CAMTA1: variants seen among roughly 807,000 people sequenced by gnomAD.
CAMTA1 encodes calmodulin binding transcription activator 1.
In CAMTA1, 27 loss-of-function variants were observed where a neutral mutation model predicts 170.9. That is an observed-to-expected ratio of 0.16 (90% CI 0.12 to 0.22). CAMTA1 has a LOEUF of 0.22. CAMTA1 is among the 10% of genes least tolerant of loss of function. The probability of loss-of-function intolerance (pLI) is 1.00; values close to 1 mark genes in which losing one functional copy is unlikely to be tolerated. For missense variants in CAMTA1, 1,619 were observed against 2,217.2 expected (o/e 0.73, Z 5.42); for synonymous variants, 833 against 891.5 (o/e 0.93, Z 1.17).
intron 3 of CAMTA1, among the ~76,000 whole-genome samples, chr1:6,980,094 G>A (rs1415524059): frequency 6.6e-6 from 1 of 152,174 alleles, no homozygotes; most frequent in Non-Finnish European, 1.5e-5. Flanking sequence ...AAGCACCCTT[G>A]GAGGGCGTGC....
At chr1:7,100,162 C>T (rs974865612) in intron 4 of CAMTA1, among the ~76,000 whole-genome samples, 1 of 152,182 alleles carries the variant, frequency 6.6e-6, no homozygotes, top group Non-Finnish European at 1.5e-5. Context: ...TTCCTGGGGT[C>T]CCCTGCACGG....
intron 5 of CAMTA1, among the ~76,000 whole-genome samples, chr1:7,320,649 G>T (rs1184038393): frequency 4.0e-4 from 32 of 80,314 alleles, no homozygotes; most frequent in Middle Eastern, 6.9e-3. Context: ...TGCTGTGTGT[G>T]TTTTTTTTTT....
At chr1:7,521,406 G>A (rs558491476) in intron 6 of CAMTA1, among the ~76,000 whole-genome samples, 3 of 152,276 alleles carry the variant, frequency 2.0e-5, no homozygotes, top group African/African-American at 7.2e-5. Context: ...ATCACAGCCA[G>A]AATGTTGATA....
intron 7 of CAMTA1, among the ~76,000 whole-genome samples, chr1:7,653,917 C>A (rs986675342): frequency 6.6e-6 from 1 of 152,160 alleles, no homozygotes; most frequent in Non-Finnish European, 1.5e-5. Flanking sequence ...GATTTCTATA[C>A]CCATAGTTCT....
chr1:7,612,857 G>A (rs2095533006), intron 6 of CAMTA1, among the ~76,000 whole-genome samples: 1 of 152,230 alleles, frequency 6.6e-6, no homozygotes, highest in Admixed American at 6.5e-5. Context: ...GTTTGGGTGA[G>A]AGGAAGGCGG....
At chr1:6,982,535 C>T (rs1025753637) in intron 3 of CAMTA1, among the ~76,000 whole-genome samples, 4 of 152,178 alleles carry the variant, frequency 2.6e-5, no homozygotes, top group Non-Finnish European at 4.4e-5. Context: ...GCCCTTGGAA[C>T]AAGTGTTTCC....
rs1334656067 is a variant in CAMTA1, at chr1:6,979,379, T to A, written c.235-111925T>A. Among the ~76,000 whole-genome samples, 8 of 152,144 alleles carry A rather than the reference T, an allele frequency of 5.3e-5. 1 individual carries two copies. On this transcript the variant is annotated intron_variant, in intron 3 of 22. Coordinates refer to ENST00000303635, the MANE Select transcript of CAMTA1 (RefSeq NM_015215.4). ...AGGGCCATTCAATTCTGCATCAAGG[T>A]GCTAAATGGGTCTCCAGCAGCTCCA... is the stretch of plus-strand genomic sequence containing the variant.
chr1:7,499,756 G>A (rs1453597408), intron 6 of CAMTA1, among the ~76,000 whole-genome samples: 1 of 140,570 alleles, frequency 7.1e-6, no homozygotes, highest in East Asian at 2.3e-4. Context: ...AGAGGATTGT[G>A]TGAGCCTGTT....
chr1:6,795,050 G>A (rs1642149873), intron 1 of CAMTA1, among the ~76,000 whole-genome samples: 1 of 152,046 alleles, frequency 6.6e-6, no homozygotes, highest in South Asian at 2.1e-4. Context: ...CTGCCTAGCT[G>A]TATTATGCAC....
intron 11 of CAMTA1, among the ~76,000 whole-genome samples, chr1:7,727,568 T>A (rs2096699738): frequency 6.6e-6 from 1 of 152,246 alleles, no homozygotes; most frequent in African/African-American, 2.4e-5. Flanking sequence ...CCAGTGAATA[T>A]TTGTGCATGA....
At chr1:7,422,653 G>T (rs2091640593) in intron 5 of CAMTA1, among the ~76,000 whole-genome samples, 2 of 152,182 alleles carry the variant, frequency 1.3e-5, no homozygotes, top group African/African-American at 4.8e-5. Flanking sequence ...GGTCAGAGAG[G>T]TTAAGACCAA....
chr1:7,317,102 A>G (rs1236046228), intron 5 of CAMTA1, among the ~76,000 whole-genome samples: 1 of 152,092 alleles, frequency 6.6e-6, no homozygotes, highest in Non-Finnish European at 1.5e-5. Context: ...CCCTCTGGAG[A>G]CCAACACTGT....
chr1:7,764,158 G>C lies in CAMTA1; in HGVS notation c.4990-2301G>C, dbSNP rs1257680594. 2.9e-4 allele frequency among the ~76,000 whole-genome samples: 44 copies of C among 151,970 alleles called. 1 individual carries two copies. The highest frequency in any genetic ancestry group is 2.9e-3 in the Admixed American group (44 of 15,254). On this transcript the variant is annotated intron_variant, in intron 22 of 22. Coordinates refer to ENST00000303635, the MANE Select transcript of CAMTA1 (RefSeq NM_015215.4). ...ATGTCCAAAATTAGGGACCTATAGT[G>C]ATGTACAATTCTATACTGTAATATG...
rs371588178 is a variant in CAMTA1 at position 7,272,692 on chromosome 1, C to CAAAAAAAAAAAAAA, written c.438+23077_438+23090dup. Among the ~76,000 whole-genome samples, 108 of 38,794 alleles carry CAAAAAAAAAAAAAA rather than the reference C, an allele frequency of 2.8e-3. 4 individuals are homozygous for CAAAAAAAAAAAAAA. Among genetic ancestry groups the CAAAAAAAAAAAAAA allele is most frequent in the African/African-American group, 6.0e-3 (64 of 10,752 alleles). The allele number at this position is 38,794 out of a possible 152,430, so 25.5% of individuals were successfully genotyped here. On this transcript the variant is annotated intron_variant, in intron 5 of 22. Coordinates refer to ENST00000303635, the MANE Select transcript of CAMTA1 (RefSeq NM_015215.4). Reference sequence around the variant, plus strand: ...TCTGGGGCAACTGGATAAACACATGCAAAAAAAAAAAAAAAAAAAAAAAAG... The same window carrying CAAAAAAAAAAAAAA: ...TCTGGGGCAACTGGATAAACACATGCAAAAAAAAAAAAAAAAAAAAAAAAAAAAAAAAAAAAAAG...
At chr1:7,263,991 A>T (rs984056563) in intron 5 of CAMTA1, among the ~76,000 whole-genome samples, 2 of 152,180 alleles carry the variant, frequency 1.3e-5, no homozygotes, top group African/African-American at 2.4e-5. Flanking sequence ...TATGTTAGAT[A>T]TGAGGGGATG....
chr1:6,850,797 C>T (rs995888250), intron 3 of CAMTA1, among the ~76,000 whole-genome samples: 4 of 151,976 alleles, frequency 2.6e-5, no homozygotes, highest in Non-Finnish European at 5.9e-5. Flanking sequence ...ACTCAGAGGG[C>T]GGAGGACAAA....
At chr1:6,968,945 C>T (rs574683186) in intron 3 of CAMTA1, among the ~76,000 whole-genome samples, 20 of 152,004 alleles carry the variant, frequency 1.3e-4, no homozygotes, top group Middle Eastern at 3.2e-3. Context: ...TGCAGAGGCA[C>T]GGGGCGAGGG....
At chr1:6,877,528 C>T (rs1164021814) in intron 3 of CAMTA1, among the ~76,000 whole-genome samples, 1 of 152,174 alleles carries the variant, frequency 6.6e-6, no homozygotes, top group Non-Finnish European at 1.5e-5. Flanking sequence ...GAAAACGTCT[C>T]CCATTTGTTC....
At chr1:6,908,898 G>C (rs1444702149) in intron 3 of CAMTA1, among the ~76,000 whole-genome samples, 1 of 152,200 alleles carries the variant, frequency 6.6e-6, no homozygotes, top group Non-Finnish European at 1.5e-5. Flanking sequence ...CCAGATGCTG[G>C]CATCTTCAGA....
Sources: allele counts gnomAD v4.1 joint callset (sites outside exome capture counted in the v4.1 genomes callset), GRCh38; gene constraint gnomAD v4.1.1; transcripts MANE v1.5; gene names NCBI Gene and HGNC (gene_info 2026-07-23, HGNC 2026-07-21).